RNF19B: variants seen among roughly 807,000 people sequenced by gnomAD.
RNF19B encodes the protein E3 ubiquitin-protein ligase RNF19B.
In RNF19B, 23 loss-of-function variants were observed where a neutral mutation model predicts 65.5. The observed-to-expected ratio is 0.35, with a 90% confidence interval of 0.25 to 0.50. The LOEUF (loss-of-function observed/expected upper bound fraction) is 0.50, where lower values mean the gene tolerates loss of function less well. Ranked by LOEUF, RNF19B falls within the 20% of genes least tolerant of loss-of-function variation. The pLI, the probability that RNF19B is intolerant of heterozygous loss-of-function variation, is 0.98. For missense variants in RNF19B, 794 were observed against 980.0 expected (o/e 0.81, Z 2.53); for synonymous variants, 372 against 379.6 (o/e 0.98, Z 0.23).
In RNF19B at chr1:32,964,053, G is replaced by T; in HGVS notation, c.633C>A (p.Cys211Ter). ...PDCRWCPAPD[C>*]GYAVIAYGCA... ...CCGCGCCACGCCCCCGCGCTCACCC[G>T]CAGTCCGGGGCCGGGCACCAGCGGC... Residue 211 changes from cysteine (C) to a stop codon, truncating the protein, a stop_gained and splice_region_variant, in exon 1 of 9, where the codon TGC becomes TGA. Transcript: ENST00000235150. LOFTEE classifies it high-confidence loss of function. This position sits in a 1 kb window ranked among gnomAD's most constrained non-coding sequence, Gnocchi z 6.5. 1 of 1,490,384 alleles carries T rather than the reference G, an allele frequency of 6.7e-7. No homozygotes were observed. The allele number at this position is 1,490,384 out of a possible 1,614,324, so 92.3% of individuals were successfully genotyped here.
intron 1 of RNF19B, among the ~76,000 whole-genome samples, chr1:32,950,276 A>G (rs1391797429): frequency 6.6e-6 from 1 of 152,080 alleles, no homozygotes; most frequent in African/African-American, 2.4e-5. Flanking sequence ...CCTGGCTATA[A>G]ATTTCTTGAG....
rs368301508 is a variant in RNF19B at position 32,942,388 on chromosome 1, A to G, written c.1474T>C (p.Leu492=). 1 of 1,614,080 alleles carries G rather than the reference A, an allele frequency of 6.2e-7. No individual in the cohort carries two copies. Among genetic ancestry groups the G allele is most frequent in the Non-Finnish European group, 8.5e-7 (1 of 1,179,900 alleles). ...TCTGTAGGGCTTCCACTAGTGCTCA[A>G]TACACTAGTCAGGCCTTCAATGCTG... ...ESSIEGLTSV[L]STSGSPTDGL... The change falls in exon 7 of 9, where the codon TTG becomes CTG. Residue 492 remains leucine, a synonymous_variant. Transcript: ENST00000235150.
downstream of RNF19B, among the ~76,000 whole-genome samples, chr1:32,935,850 C>T (rs764175068): frequency 1.2e-4 from 18 of 151,990 alleles, no homozygotes; most frequent in African/African-American, 1.9e-4. Context: ...CAGGCTCAAG[C>T]GCTTCTCCTG....
chr1:32,930,917 A>G, the RNF19B span, among the ~76,000 whole-genome samples: 1 of 152,018 alleles, frequency 6.6e-6, no homozygotes, highest in Non-Finnish European at 1.5e-5. Context: ...GTGAAACCCC[A>G]CCTCTAGTAA....
At chr1:32,935,344 G>A (rs1642079050), downstream of RNF19B, among the ~76,000 whole-genome samples, 1 of 151,906 alleles carries the variant, frequency 6.6e-6, no homozygotes, top group African/African-American at 2.4e-5. Context: ...TCACCATGTT[G>A]GCCAGGCTGG....
rs1040787902 is a variant in RNF19B, at chr1:32,964,154, G to A, written c.532C>T (p.Leu178=). The A allele has an allele frequency of 3.9e-6, 6 of 1,544,338 alleles. No individual in the cohort carries two copies. The African/African-American group carries it at 8.3e-5, about 21-fold the overall frequency. Residue 178 remains leucine, a synonymous_variant, in exon 1 of 9, where the codon CTG becomes TTG. Coordinates refer to ENST00000235150, the MANE Select transcript of RNF19B (RefSeq NM_001300826.2). The surrounding 1 kb of genome is among the most constrained non-coding windows in gnomAD (Gnocchi z 6.5). ...ERLNPHDIRL[L]LADPPLMHKY... ...TGCATAAGCGGCGGGTCGGCGAGCA[G>A]CAAGCGGATGTCGTGCGGGTTGAGT...
intron 3 of RNF19B, among the ~76,000 whole-genome samples, chr1:32,947,430 C>G (rs1236950102): frequency 6.6e-6 from 1 of 152,164 alleles, no homozygotes; most frequent in East Asian, 1.9e-4. Flanking sequence ...GAGGCCGAGG[C>G]AGGCGGACCA....
At chr1:32,952,326 G>C (rs573212154) in intron 1 of RNF19B, among the ~76,000 whole-genome samples, 43 of 150,948 alleles carry the variant, frequency 2.8e-4, no homozygotes, top group Middle Eastern at 3.4e-3. Context: ...AGGTGAGATG[G>C]CTCATGCCTG....
chr1:32,948,144 G>A (rs985325316), intron 3 of RNF19B, 78 bp downstream of exon 3: 6 of 1,477,600 alleles, frequency 4.1e-6, no homozygotes, highest in African/African-American at 1.4e-5. Flanking sequence ...GAGAACGGAT[G>A]TGTCTTTTTG....
intron 1 of RNF19B, among the ~76,000 whole-genome samples, chr1:32,963,094 G>A (rs1468195282): frequency 6.6e-6 from 1 of 152,080 alleles, no homozygotes; most frequent in African/African-American, 2.4e-5. Context: ...ACCAACCTCT[G>A]GGCATTCTTC....
chr1:32,957,215 G>T (rs574003147), intron 1 of RNF19B, among the ~76,000 whole-genome samples: 1 of 152,086 alleles, frequency 6.6e-6, no homozygotes, highest in Non-Finnish European at 1.5e-5. Flanking sequence ...CTATTACCCA[G>T]GCTGGTCTCG....
At chr1:32,955,293 G>A (rs1271687789) in intron 1 of RNF19B, among the ~76,000 whole-genome samples, 1 of 152,012 alleles carries the variant, frequency 6.6e-6, no homozygotes, top group Non-Finnish European at 1.5e-5. Flanking sequence ...CTGCTCTAAA[G>A]CAATCTTTTC....
rs1642415923 is a variant in RNF19B at position 32,948,363 on chromosome 1, T to C, written c.842A>G (p.Asp281Gly). The C allele has an allele frequency of 6.2e-7, 1 of 1,612,910 alleles. No homozygotes were observed. Among genetic ancestry groups the C allele is most frequent in the African/African-American group, 1.3e-5 (1 of 74,914 alleles). ...GCATCGTGGGCATGGCTTGATGTCATCTGCTATGAGTGGGGGAAGAATGGG... is the reference window on the plus strand; with the variant it reads ...GCATCGTGGGCATGGCTTGATGTCACCTGCTATGAGTGGGGGAAGAATGGG... ...GLSYGQESGPDDIKPCPRCSA... is the reference protein window; with the variant it reads ...GLSYGQESGPGDIKPCPRCSA... The change falls in exon 3 of 9, where the codon GAT (aspartate) becomes GGT (glycine). Residue 281 changes from aspartate (D) to glycine (G), a missense_variant and splice_region_variant. Asp to Gly is a moderately conservative substitution (Grantham distance 94, BLOSUM62 -1). Coordinates refer to ENST00000235150, the MANE Select transcript of RNF19B (RefSeq NM_001300826.2).
intron 7 of RNF19B, 40 bp downstream of exon 7, chr1:32,942,212 A>G: frequency 6.5e-7 from 1 of 1,527,702 alleles, no homozygotes; most frequent in African/African-American, 1.4e-5. Context: ...TACTTCTTAT[A>G]ATTCTAACCA....
chr1:32,950,683 C>T (rs758623357), intron 1 of RNF19B, among the ~76,000 whole-genome samples: 17 of 150,572 alleles, frequency 1.1e-4, no homozygotes, highest in Non-Finnish European at 1.9e-4. Flanking sequence ...ACTACAGGTG[C>T]GCACCACCAC....
intron 7 of RNF19B, among the ~76,000 whole-genome samples, chr1:32,941,542 A>AAAAATAAAAT (rs71278769): frequency 2.0e-5 from 3 of 151,592 alleles, no homozygotes; most frequent in African/African-American, 2.4e-5. Flanking sequence ...TCCGTCTCAA[A>AAAAATAAAAT]AAAATAAAAT....
At position 32,936,990 on chromosome 1, in the gene RNF19B, G is replaced by A. The variant is rs1373245672; in HGVS notation, c.2012C>T (p.Ala671Val). Reference protein sequence around the residue: ...SIRSDLESSDAQSDDVPDITS... With the variant: ...SIRSDLESSDVQSDDVPDITS... Reference sequence around the variant, plus strand: ...GATGTCTGGCACATCGTCTGACTGTGCATCAGAACTCTCTAGGTCACTGCG... The same window carrying A: ...GATGTCTGGCACATCGTCTGACTGTACATCAGAACTCTCTAGGTCACTGCG... Residue 671 changes from alanine to valine, a missense_variant, in exon 9 of 9, where the codon GCA (alanine) becomes GTA (valine). By Grantham distance (64) the Ala-to-Val change is moderately conservative. Coordinates refer to ENST00000235150, the MANE Select transcript of RNF19B (RefSeq NM_001300826.2). 6.2e-7 allele frequency: 1 copy of A among 1,614,040 alleles called. No individual in the cohort carries two copies. Among genetic ancestry groups the A allele is most frequent in the Non-Finnish European group, 8.5e-7 (1 of 1,180,042 alleles).
intron 8 of RNF19B, 64 bp from the exon 9 acceptor site, chr1:32,937,323 CA>C: frequency 6.2e-7 from 1 of 1,607,624 alleles, no homozygotes; most frequent in Non-Finnish European, 8.5e-7. Context: ...TTGGTAAAAG[CA>C]GTTCATGGGT....
intron 4 of RNF19B, 50 bp from the exon 5 acceptor site, chr1:32,945,678 TTTGCC>T: frequency 1.8e-6 from 2 of 1,097,238 alleles, no homozygotes; most frequent in Admixed American, 1.9e-5. Flanking sequence ...ACATCAATCT[TTTGCC>T]AGAGAAAAAA....
Sources: gnomAD v4.1 joint callset for allele counts (sites outside exome capture counted in the v4.1 genomes callset) on GRCh38, gnomAD v4.1.1 for gene constraint, Gnocchi (gnomAD v3.1) non-coding constraint, MANE v1.5 for transcripts, NCBI Gene and HGNC (gene_info 2026-07-23, HGNC 2026-07-21) for gene names.